Variants in SYNDIG1 observed in about 807,000 individuals in gnomAD.
SYNDIG1 encodes the protein synapse differentiation inducing 1.
In SYNDIG1, 9 loss-of-function variants were observed where a neutral mutation model predicts 19.4. The ratio of observed to expected loss-of-function variants is 0.46; its 90% CI spans 0.28 to 0.81. SYNDIG1 has a LOEUF of 0.81. SYNDIG1 is among the 30% of genes least tolerant of loss of function. The pLI is 0.12. For missense variants in SYNDIG1, 311 were observed against 343.3 expected (o/e 0.91, Z 0.74); for synonymous variants, 141 against 145.9 (o/e 0.97, Z 0.24).
At chr20:24,591,345 G>T (rs1730001707) in intron 3 of SYNDIG1, among the ~76,000 whole-genome samples, 1 of 152,032 alleles carries the variant, frequency 6.6e-6, no homozygotes, top group African/African-American at 2.4e-5. Context: ...TGTGATCTAT[G>T]ATCCCACCAC....
chr20:24,560,694 C>CTTTTTTTTTTTTTTTTT, intron 2 of SYNDIG1, among the ~76,000 whole-genome samples: 1 of 113,822 alleles, frequency 8.8e-6, no homozygotes, highest in Non-Finnish European at 1.8e-5. Flanking sequence ...CTGTTGACTA[C>CTTTTTTTTTTTTTTTTT]TTTTTTTTTT....
At chr20:24,542,937 A>T in intron 1 of SYNDIG1, 83 bp from the exon 2 acceptor site, 1 of 1,043,986 alleles carries the variant, frequency 9.6e-7, no homozygotes, top group Non-Finnish European at 1.4e-6. Flanking sequence ...TGGCTGGTAC[A>T]GTCTGAAACA....
At chr20:24,585,056 G>GGGGGGGGGGGGGGCCCC in intron 3 of SYNDIG1, 63 bp downstream of exon 3, 1 of 545,664 alleles carries the variant, frequency 1.8e-6, no homozygotes. Context: ...GGTGGGGGCG[G>GGGGGGGGGGGGGGCCCC]CAATCCCAGC....
intron 1 of SYNDIG1, among the ~76,000 whole-genome samples, chr20:24,493,754 G>T (rs779126920): frequency 5.3e-5 from 8 of 152,170 alleles, no homozygotes; most frequent in Non-Finnish European, 8.8e-5. Flanking sequence ...ACTGTAGTGT[G>T]AGGAGCTTTA....
chr20:24,536,791 G>A (rs930682130), intron 1 of SYNDIG1, among the ~76,000 whole-genome samples: 1 of 152,062 alleles, frequency 6.6e-6, no homozygotes, highest in South Asian at 2.1e-4. Context: ...TCCAGCTGTG[G>A]GATGAGGCTA....
intron 1 of SYNDIG1, among the ~76,000 whole-genome samples, chr20:24,515,282 G>A (rs1166939214): frequency 6.6e-6 from 1 of 152,222 alleles, no homozygotes; most frequent in Non-Finnish European, 1.5e-5. Flanking sequence ...GATCAGAGAA[G>A]AACTGAAGGA....
chr20:24,581,399 C>T (rs1435784086), intron 2 of SYNDIG1, among the ~76,000 whole-genome samples: 13 of 152,130 alleles, frequency 8.5e-5, no homozygotes, highest in Non-Finnish European at 1.6e-4. Context: ...GGATCCATGG[C>T]TGCCGTGCTC....
chr20:24,657,262 A>G (rs1436043357), intron 3 of SYNDIG1, among the ~76,000 whole-genome samples: 1 of 152,228 alleles, frequency 6.6e-6, no homozygotes, highest in Non-Finnish European at 1.5e-5. Flanking sequence ...AGCCTGGTGC[A>G]GCAGCCGCAG....
At chr20:24,493,375 CAT>C (rs374570319) in intron 1 of SYNDIG1, among the ~76,000 whole-genome samples, 364 of 152,298 alleles carry the variant, frequency 2.4e-3, no homozygotes, top group African/African-American at 8.1e-3. Flanking sequence ...TGCACACACA[CAT>C]GTGGACACAC....
intron 3 of SYNDIG1, among the ~76,000 whole-genome samples, chr20:24,657,842 A>G (rs750374761): frequency 7.5e-6 from 1 of 132,476 alleles, no homozygotes; most frequent in African/African-American, 3.3e-5. Context: ...AACCTTTACA[A>G]TAATGCAAAG....
intron 1 of SYNDIG1, among the ~76,000 whole-genome samples, chr20:24,527,953 C>T (rs1483266370): frequency 6.6e-6 from 1 of 152,218 alleles, no homozygotes; most frequent in African/African-American, 2.4e-5. Context: ...TCAGCCTCAA[C>T]TTCTCTATCT....
rs742805 is a variant in SYNDIG1 at position 24,664,411 on chromosome 20, G to A, written c.619-935G>A. Among the ~76,000 whole-genome samples the A allele has an allele frequency of 1.0e-3, 156 of 152,306 alleles. 3 individuals carry two copies. In the East Asian group the frequency reaches 0.029, roughly 28 times the overall value. ...TTTCTGGAGACGGCCATGAGAACGA[G>A]CTAGGACATTCTGCCAGGGTAGTCC... On this transcript the variant is annotated intron_variant, in intron 3 of 3. Coordinates refer to ENST00000376862, the MANE Select transcript of SYNDIG1 (RefSeq NM_024893.3).
chr20:24,653,845 C>A (rs1382067085), intron 3 of SYNDIG1, among the ~76,000 whole-genome samples: 1 of 152,222 alleles, frequency 6.6e-6, no homozygotes, highest in Non-Finnish European at 1.5e-5. Flanking sequence ...ACGGGGTCAT[C>A]CCTCGGTGTG....
rs988158314 is a variant in SYNDIG1 at position 24,556,207 on chromosome 20, G to A, written c.480+12630G>A. Among the ~76,000 whole-genome samples, 15 of 152,226 alleles carry A rather than the reference G, an allele frequency of 9.9e-5. 1 individual carries two copies. In the South Asian group the frequency reaches 1.7e-3, roughly 17 times the overall value. ...TTTGAGCCTACTTGTGTCTCTGCAC[G>A]TGAGATGGGTTTCCTGAATACAGCA... On this transcript the variant is annotated intron_variant, in intron 2 of 3. Coordinates refer to ENST00000376862, the MANE Select transcript of SYNDIG1 (RefSeq NM_024893.3).
chr20:24,590,287 C>T (rs1245604470), intron 3 of SYNDIG1, among the ~76,000 whole-genome samples: 10 of 147,296 alleles, frequency 6.8e-5, no homozygotes, highest in African/African-American at 2.5e-4. Context: ...CGCGGCGGGG[C>T]TGGGGGCCGC....
chr20:24,549,258 A>G (rs377167203), intron 2 of SYNDIG1, among the ~76,000 whole-genome samples: 1 of 152,030 alleles, frequency 6.6e-6, no homozygotes, highest in East Asian at 1.9e-4. Flanking sequence ...TCTTCCTTCT[A>G]CTTTTACTTC....
chr20:24,567,318 C>A (rs2058064107), intron 2 of SYNDIG1, among the ~76,000 whole-genome samples: 1 of 152,198 alleles, frequency 6.6e-6, no homozygotes, highest in African/African-American at 2.4e-5. Context: ...TGCACACTCT[C>A]TCCAGTGTGC....
intron 2 of SYNDIG1, among the ~76,000 whole-genome samples, chr20:24,561,479 A>C (rs979317388): frequency 2.6e-5 from 4 of 152,182 alleles, no homozygotes; most frequent in African/African-American, 4.8e-5. Flanking sequence ...CCAGCAGTGA[A>C]GTTCCTGGTT....
chr20:24,557,263 G>C (rs2057839955), intron 2 of SYNDIG1, among the ~76,000 whole-genome samples: 1 of 152,080 alleles, frequency 6.6e-6, no homozygotes, highest in Non-Finnish European at 1.5e-5. Flanking sequence ...TCCTCCTGTA[G>C]CTCGGAGTGG....
Sources: gnomAD v4.1 joint callset for allele counts (sites outside exome capture counted in the v4.1 genomes callset) on GRCh38, gnomAD v4.1.1 for gene constraint, MANE v1.5 for transcripts, NCBI Gene and HGNC (gene_info 2026-07-23, HGNC 2026-07-21) for gene names.